Variants in SNX29 observed in about 807,000 individuals in gnomAD.
The protein encoded by SNX29 is sorting nexin-29.
In SNX29, 78 loss-of-function variants were observed where a neutral mutation model predicts 102.1. That is an observed-to-expected ratio of 0.76 (90% CI 0.64 to 0.92). The LOEUF (loss-of-function observed/expected upper bound fraction) is 0.92. Ranked by LOEUF, SNX29 falls within the 40% of genes least tolerant of loss-of-function variation. The pLI is 0.00. For synonymous variants in SNX29, 580 were observed against 414.5 expected (o/e 1.40, Z -4.85); for missense variants, 1,280 against 1,061.7 (o/e 1.21, Z -2.86).
At chr16:12,539,311 C>G (rs932035476) in intron 20 of SNX29, among the ~76,000 whole-genome samples, 1 of 152,060 alleles carries the variant, frequency 6.6e-6, no homozygotes, top group Non-Finnish European at 1.5e-5. Context: ...TGTCCCTCCC[C>G]CTCTAGTTTT....
chr16:12,525,872 A>G (rs969031318), intron 20 of SNX29, among the ~76,000 whole-genome samples: 4 of 152,068 alleles, frequency 2.6e-5, no homozygotes, highest in African/African-American at 9.7e-5. Flanking sequence ...CTCTGGTCCC[A>G]TTGCTGGGAA....
intron 11 of SNX29, among the ~76,000 whole-genome samples, chr16:12,122,420 G>C (rs1295739201): frequency 6.6e-6 from 1 of 152,006 alleles, no homozygotes; most frequent in Non-Finnish European, 1.5e-5. Context: ...AGTAAGACAG[G>C]GCAGGCCCAC....
intron 18 of SNX29, among the ~76,000 whole-genome samples, chr16:12,437,195 T>C (rs2085577207): frequency 6.6e-6 from 1 of 152,258 alleles, no homozygotes; most frequent in Non-Finnish European, 1.5e-5. Context: ...GTGGTATGTT[T>C]CTTTCTCTTT....
intron 15 of SNX29, among the ~76,000 whole-genome samples, chr16:12,333,386 T>C (rs543649719): frequency 1.3e-5 from 2 of 152,212 alleles, no homozygotes; most frequent in South Asian, 4.1e-4. Context: ...ATTACAGACG[T>C]GAGCCACCGC....
rs181736881 is a variant in SNX29, at chr16:12,266,464, C to T, written c.1679-11469C>T. On this transcript the variant is annotated intron_variant, in intron 14 of 20. Coordinates refer to ENST00000566228, the MANE Select transcript of SNX29 (RefSeq NM_032167.5). ...CCAACCAACCAGCCCCTCTGGAGAC[C>T]GTGGTCTACCAGTCATCTCAGTAGC... Among the ~76,000 whole-genome samples the T allele has an allele frequency of 3.4e-3, 518 of 152,176 alleles. 3 individuals carry two copies. The highest frequency in any genetic ancestry group is 5.5e-3 in the Non-Finnish European group (376 of 67,998).
intron 10 of SNX29, among the ~76,000 whole-genome samples, chr16:12,077,104 C>G (rs2051612056): frequency 6.6e-6 from 1 of 152,090 alleles, no homozygotes; most frequent in African/African-American, 2.4e-5. Context: ...GAGACCCTGT[C>G]TTTACAAATA....
chr16:12,384,539 C>CT (rs2083283229), intron 16 of SNX29, among the ~76,000 whole-genome samples: 1 of 152,098 alleles, frequency 6.6e-6, no homozygotes, highest in Non-Finnish European at 1.5e-5. Flanking sequence ...CGTTTCAGAT[C>CT]TTTTGCCTGG....
intron 19 of SNX29, among the ~76,000 whole-genome samples, chr16:12,492,499 T>A (rs1246553766): frequency 6.6e-6 from 1 of 152,206 alleles, no homozygotes; most frequent in Non-Finnish European, 1.5e-5. Context: ...ACTCTGATGG[T>A]AGTTTCTTTT....
At chr16:11,987,018 A>C (rs1051263462) in intron 1 of SNX29, among the ~76,000 whole-genome samples, 4 of 152,148 alleles carry the variant, frequency 2.6e-5, no homozygotes, top group African/African-American at 9.7e-5. Context: ...GGATACAGAC[A>C]AGTTCTGGAT....
intron 8 of SNX29, among the ~76,000 whole-genome samples, chr16:12,061,041 A>G (rs1408961688): frequency 6.6e-6 from 1 of 152,110 alleles, no homozygotes; most frequent in African/African-American, 2.4e-5. Context: ...CCTGTGATGC[A>G]TGTGCTGTCC....
chr16:12,361,154 C>T (rs1033594243), intron 16 of SNX29, among the ~76,000 whole-genome samples: 2 of 152,188 alleles, frequency 1.3e-5, no homozygotes, highest in Admixed American at 6.5e-5. Context: ...GGAGGCCTGG[C>T]TGTGACCTGT....
intron 18 of SNX29, among the ~76,000 whole-genome samples, chr16:12,414,897 G>C (rs1334822329): frequency 6.6e-6 from 1 of 152,042 alleles, no homozygotes; most frequent in Non-Finnish European, 1.5e-5. Context: ...AATTTTTTGT[G>C]TTTTTAGTAG....
intron 16 of SNX29, among the ~76,000 whole-genome samples, chr16:12,366,676 A>G (rs1158875917): frequency 2.0e-5 from 3 of 151,944 alleles, no homozygotes; most frequent in African/African-American, 7.3e-5. Flanking sequence ...GCTGTCTCTT[A>G]TATTCTGCAT....
intron 4 of SNX29, among the ~76,000 whole-genome samples, chr16:12,034,451 G>A (rs551156362): frequency 1.3e-5 from 2 of 152,336 alleles, no homozygotes; most frequent in South Asian, 2.1e-4. Flanking sequence ...AAAAGTGGTT[G>A]ACAACTGGCA....
At chr16:12,195,330 C>G (rs1233999198) in intron 13 of SNX29, among the ~76,000 whole-genome samples, 1 of 152,214 alleles carries the variant, frequency 6.6e-6, no homozygotes, top group Non-Finnish European at 1.5e-5. Context: ...CTTTTATATT[C>G]AAAGCATCCT....
intron 1 of SNX29, among the ~76,000 whole-genome samples, chr16:11,997,744 G>T (rs529406191): frequency 6.6e-6 from 1 of 152,142 alleles, no homozygotes; most frequent in South Asian, 2.1e-4. Flanking sequence ...CTTCCAAAGT[G>T]CTGGGATTAC....
intron 13 of SNX29, among the ~76,000 whole-genome samples, chr16:12,145,935 C>A (rs905320978): frequency 6.6e-6 from 1 of 152,162 alleles, no homozygotes; most frequent in Admixed American, 6.5e-5. Flanking sequence ...CAGCTAGATT[C>A]CAAAAAGTGA....
At chr16:11,989,488 G>A (rs7189138) in intron 1 of SNX29, among the ~76,000 whole-genome samples, 23,554 of 152,074 alleles carry the variant, frequency 0.15, 3,203 homozygotes, top group African/African-American at 0.37. Flanking sequence ...GACTTTGGGG[G>A]AGAACGATTG....
intron 15 of SNX29, among the ~76,000 whole-genome samples, chr16:12,344,508 A>C (rs775627537): frequency 3.9e-5 from 6 of 152,184 alleles, no homozygotes; most frequent in Admixed American, 6.5e-5. Context: ...CAAATGGTAG[A>C]TGCTCAGTAG....
Sources: allele counts gnomAD v4.1 joint callset (sites outside exome capture counted in the v4.1 genomes callset), GRCh38; gene constraint gnomAD v4.1.1; transcripts MANE v1.5; gene names NCBI Gene and HGNC (gene_info 2026-07-23, HGNC 2026-07-21).